The following SPMIP7 variants were observed in gnomAD, a reference collection of about 807,000 sequenced individuals.
The protein encoded by SPMIP7 is sperm microtubule inner protein 7.
At chr7:50,153,948 G>A in the SPMIP7 span, among the ~76,000 whole-genome samples, 52 of 152,258 alleles carry the variant, frequency 3.4e-4, no homozygotes, top group African/African-American at 1.1e-3. Context: ...TTATCAACAC[G>A]TCTCACTTTC....
the SPMIP7 span, among the ~76,000 whole-genome samples, chr7:50,114,165 A>G: frequency 1.3e-5 from 2 of 152,188 alleles, no homozygotes; most frequent in Non-Finnish European, 2.9e-5. Flanking sequence ...CTTTAGACAG[A>G]AGAAAATAAT....
chr7:50,102,090 G>A, the SPMIP7 span, among the ~76,000 whole-genome samples: 2 of 152,174 alleles, frequency 1.3e-5, no homozygotes, highest in African/African-American at 2.4e-5. Flanking sequence ...TTGGGAGGCC[G>A]AGGCAGGCGG....
At chr7:50,147,428 T>A in the SPMIP7 span, among the ~76,000 whole-genome samples, 1 of 152,322 alleles carries the variant, frequency 6.6e-6, no homozygotes, top group Middle Eastern at 3.4e-3. Context: ...ATCTATAAAA[T>A]GGACATGATC....
chr7:50,157,899 T>TAA, the SPMIP7 span, among the ~76,000 whole-genome samples: 2 of 125,922 alleles, frequency 1.6e-5, no homozygotes, highest in Non-Finnish European at 3.6e-5. Context: ...CAAAGCTTTT[T>TAA]TAAAAAAAAT....
the SPMIP7 span, among the ~76,000 whole-genome samples, chr7:50,130,724 C>G: frequency 4.6e-5 from 7 of 151,926 alleles, no homozygotes; most frequent in Non-Finnish European, 7.4e-5. Context: ...GGGGAGGCCT[C>G]CCCAGGTGCT....
chr7:50,155,891 G>A, the SPMIP7 span, among the ~76,000 whole-genome samples: 19 of 2,144 alleles, frequency 8.9e-3, no homozygotes, highest in Admixed American at 0.011. Context: ...GGGACCCATC[G>A]CCCTCTGAGG....
chr7:50,144,537 T>C, the SPMIP7 span, among the ~76,000 whole-genome samples: 1 of 152,220 alleles, frequency 6.6e-6, no homozygotes, highest in African/African-American at 2.4e-5. Context: ...TTGTAAACAA[T>C]ATAGCAAAAA....
At chr7:50,143,809 C>A in the SPMIP7 span, among the ~76,000 whole-genome samples, 1 of 152,210 alleles carries the variant, frequency 6.6e-6, no homozygotes, top group African/African-American at 2.4e-5. Flanking sequence ...ATACACACTT[C>A]TAATCTTGCT....
At chr7:50,154,937 T>G in the SPMIP7 span, among the ~76,000 whole-genome samples, 1 of 152,234 alleles carries the variant, frequency 6.6e-6, no homozygotes, top group African/African-American at 2.4e-5. Context: ...ATTTCCCCGA[T>G]GAGCAATGTT....
At chr7:50,134,946 T>A in the SPMIP7 span, among the ~76,000 whole-genome samples, 1 of 152,122 alleles carries the variant, frequency 6.6e-6, no homozygotes, top group Non-Finnish European at 1.5e-5. Context: ...TTGCCCATGG[T>A]TCCCTCCTTA....
the SPMIP7 span, among the ~76,000 whole-genome samples, chr7:50,125,189 T>C: frequency 3.0e-5 from 1 of 33,376 alleles, no homozygotes; most frequent in African/African-American, 9.9e-5. Context: ...TATACACATA[T>C]ATACACATAT....
chr7:50,121,419 T>A, the SPMIP7 span: 1 of 152,220 alleles, frequency 6.6e-6, no homozygotes, highest in South Asian at 2.1e-4. Context: ...GCAGCCAAGC[T>A]TTCAGCCAAT....
the SPMIP7 span, among the ~76,000 whole-genome samples, chr7:50,099,935 A>C: frequency 1.3e-5 from 2 of 152,160 alleles, no homozygotes; most frequent in Admixed American, 1.3e-4. Flanking sequence ...TGGTGAGATA[A>C]ATCATAGTTC....
chr7:50,134,972 C>T, the SPMIP7 span, among the ~76,000 whole-genome samples: 3 of 152,122 alleles, frequency 2.0e-5, no homozygotes, highest in South Asian at 6.2e-4. Flanking sequence ...ATCCCTGCCC[C>T]GTTCTCGTCT....
chr7:50,135,782 C>A, the SPMIP7 span, among the ~76,000 whole-genome samples: 5 of 152,124 alleles, frequency 3.3e-5, no homozygotes, highest in African/African-American at 1.2e-4. Flanking sequence ...TACAGTGGAT[C>A]CAAGTCAGAA....
At chr7:50,118,014 T>G in the SPMIP7 span, among the ~76,000 whole-genome samples, 1 of 152,176 alleles carries the variant, frequency 6.6e-6, no homozygotes, top group Non-Finnish European at 1.5e-5. Flanking sequence ...ATCAAAGGAA[T>G]TCCCTGGCAG....
At chr7:50,139,963 C>T in the SPMIP7 span, among the ~76,000 whole-genome samples, 1 of 152,204 alleles carries the variant, frequency 6.6e-6, no homozygotes, top group African/African-American at 2.4e-5. Flanking sequence ...ATTTGACATT[C>T]TGGAGAAAGC....
At chr7:50,128,560 A>G in the SPMIP7 span, among the ~76,000 whole-genome samples, 1 of 152,064 alleles carries the variant, frequency 6.6e-6, no homozygotes, top group Non-Finnish European at 1.5e-5. Context: ...GAATGTATCA[A>G]ATTATCACAT....
At chr7:50,151,637 C>T in the SPMIP7 span, 1 of 951,324 alleles carries the variant, frequency 1.1e-6, no homozygotes. Context: ...CATTAAAGAA[C>T]AATTAAATAG....
Sources: gnomAD v4.1 joint callset for allele counts (sites outside exome capture counted in the v4.1 genomes callset) on GRCh38, gnomAD v4.1.1 for gene constraint, MANE v1.5 for transcripts, NCBI Gene and HGNC (gene_info 2026-07-23, HGNC 2026-07-21) for gene names.